Variants in NALCN observed in about 807,000 individuals in gnomAD.
NALCN encodes the protein sodium leak channel NALCN.
A neutral mutation model predicts 225.3 loss-of-function variants in NALCN; 111 were observed. That is an observed-to-expected ratio of 0.49 (90% confidence interval 0.42 to 0.58). The LOEUF is 0.58. NALCN is among the 20% of genes least tolerant of loss of function. The probability of loss-of-function intolerance (pLI) is 0.00; values close to 1 mark genes in which losing one functional copy is unlikely to be tolerated. For missense variants in NALCN, 1,378 were observed against 2,202.4 expected, an observed-to-expected ratio of 0.63 and a Z score of 7.49; for synonymous variants, 764 against 769.0, an observed-to-expected ratio of 0.99 and a Z score of 0.11.
chr13:101,098,518 A>G (rs1594199200), intron 27 of NALCN, among the ~76,000 whole-genome samples: 1 of 152,162 alleles, frequency 6.6e-6, no homozygotes, highest in African/African-American at 2.4e-5. Flanking sequence ...ATCTCATGAC[A>G]TCTGTTGAGT....
At chr13:101,250,849 T>C (rs1302275560) in intron 11 of NALCN, among the ~76,000 whole-genome samples, 2 of 150,796 alleles carry the variant, frequency 1.3e-5, no homozygotes, top group East Asian at 3.9e-4. Context: ...TCAATTAGGG[T>C]ACAGATTAAA....
intron 17 of NALCN, among the ~76,000 whole-genome samples, chr13:101,141,253 G>A (rs2037064295): frequency 6.6e-6 from 1 of 151,938 alleles, no homozygotes; most frequent in South Asian, 2.1e-4. Context: ...CAGTTCTGAT[G>A]AAAAAAGACA....
chr13:101,180,781 A>G (rs575027262), intron 14 of NALCN: 2 of 316,764 alleles, frequency 6.3e-6, no homozygotes, highest in Admixed American at 3.9e-5. Flanking sequence ...CTGTGTGGGT[A>G]CCAACACTGC....
intron 2 of NALCN, among the ~76,000 whole-genome samples, chr13:101,397,119 TAC>T (rs760897924): frequency 0.081 from 4,502 of 55,708 alleles, 241 homozygotes; most frequent in East Asian, 0.2. Flanking sequence ...TACATACACA[TAC>T]ATATATATAA....
chr13:101,229,407 T>C lies in NALCN; in HGVS notation c.1612A>G (p.Thr538Ala). The stretch of plus-strand genomic sequence containing the variant: ...AAAACTCTTACCCTCGGAAACGTAG[T>C]AAATCTGTCCAGTTCTTCGACAAAG... ...FCFVEELDRF[T>A]TFPRAFMSMF... is the part of the protein sequence containing the mutation. The change falls in exon 13 of 44, where the codon ACT (threonine) becomes GCT (alanine). Residue 538 changes from threonine to alanine, a missense_variant. Thr to Ala is a moderately conservative substitution (Grantham distance 58, BLOSUM62 0). Coordinates refer to ENST00000251127, the MANE Select transcript of NALCN (RefSeq NM_052867.4). 6.3e-7 allele frequency: 1 copy of C among 1,584,378 alleles called. No homozygotes were observed.
At chr13:101,106,879 T>C (rs534932077) in intron 22 of NALCN, among the ~76,000 whole-genome samples, 28 of 152,318 alleles carry the variant, frequency 1.8e-4, no homozygotes, top group African/African-American at 3.6e-4. Flanking sequence ...ACAGGTATGC[T>C]TGACAAAAAT....
At chr13:101,383,210 C>T (rs1488747076) in intron 3 of NALCN, among the ~76,000 whole-genome samples, 3 of 152,228 alleles carry the variant, frequency 2.0e-5, no homozygotes, top group South Asian at 2.1e-4. Context: ...TTAACTCAGG[C>T]GTCATGCAAC....
intron 10 of NALCN, among the ~76,000 whole-genome samples, chr13:101,270,444 T>C (rs1184480557): frequency 1.3e-5 from 2 of 152,218 alleles, no homozygotes; most frequent in Non-Finnish European, 2.9e-5. Flanking sequence ...TGTTTTAAAC[T>C]CAAGAGACAA....
At chr13:101,206,569 AAT>A (rs1054778483) in intron 13 of NALCN, among the ~76,000 whole-genome samples, 5 of 144,952 alleles carry the variant, frequency 3.4e-5, no homozygotes, top group Non-Finnish European at 6.3e-5. Flanking sequence ...CCATTTAAAA[AAT>A]AGTTTTTTTC....
chr13:101,230,876 T>C (rs183475287), intron 12 of NALCN, among the ~76,000 whole-genome samples: 31 of 152,342 alleles, frequency 2.0e-4, no homozygotes, highest in Middle Eastern at 3.4e-3. Context: ...ATTTTAGTCA[T>C]GCATCGCATA....
At position 101,229,572 on chromosome 13, in the gene NALCN, C is replaced by A; in HGVS notation, c.1447G>T (p.Val483Phe). Reference protein sequence around the residue: ...QFTYFQVLRVVRLIKISPALE... With the variant: ...QFTYFQVLRVFRLIKISPALE... ...GCAGGTGAAATCTTAATCAGCCGAACTACTCGGAGAACCTATCAAGGGAGA... is the reference window on the plus strand; with the variant it reads ...GCAGGTGAAATCTTAATCAGCCGAAATACTCGGAGAACCTATCAAGGGAGA... The change falls in exon 13 of 44, where the codon GTT becomes TTT. Residue 483 changes from valine to phenylalanine, a missense_variant. Val to Phe is a conservative substitution (Grantham distance 50, BLOSUM62 -1). This residue lies in a region of NALCN where 144 missense variants were observed against 187.7 expected (regional missense o/e 0.77). Coordinates refer to ENST00000251127, the MANE Select transcript of NALCN (RefSeq NM_052867.4). 1 of 1,593,698 alleles carries A rather than the reference C, an allele frequency of 6.3e-7. No individual in the cohort carries two copies. Among genetic ancestry groups the A allele is most frequent in the South Asian group, 1.1e-5 (1 of 87,284 alleles).
At chr13:101,259,364 C>T (rs1160170173) in intron 10 of NALCN, among the ~76,000 whole-genome samples, 4 of 151,780 alleles carry the variant, frequency 2.6e-5, no homozygotes, top group African/African-American at 7.3e-5. Context: ...GAAAGAGTCT[C>T]GCTCTCTCGC....
At chr13:101,153,399 A>G (rs2037748127) in intron 15 of NALCN, among the ~76,000 whole-genome samples, 1 of 152,150 alleles carries the variant, frequency 6.6e-6, no homozygotes, top group South Asian at 2.1e-4. Flanking sequence ...CCTCTGGCTA[A>G]TCTGAGACAA....
rs551579384 is a variant in NALCN, at chr13:101,311,346, C to T, written c.800-18980G>A. On this transcript the variant is annotated intron_variant, in intron 7 of 43. Coordinates refer to ENST00000251127, the MANE Select transcript of NALCN (RefSeq NM_052867.4). ...CTTCCTCTTTTCCTAATTGAATACCCTTTATTTCCTTCTCCTGCCTAATTG... is the reference window on the plus strand; with the variant it reads ...CTTCCTCTTTTCCTAATTGAATACCTTTTATTTCCTTCTCCTGCCTAATTG... Among the ~76,000 whole-genome samples, 9 of 151,772 alleles carry T rather than the reference C, an allele frequency of 5.9e-5. No homozygotes were observed. In the East Asian group the frequency reaches 7.7e-4, roughly 13 times the overall value.
At chr13:101,395,847 C>T (rs573119215) in intron 2 of NALCN, among the ~76,000 whole-genome samples, 18 of 152,232 alleles carry the variant, frequency 1.2e-4, no homozygotes, top group African/African-American at 3.4e-4. Flanking sequence ...ACTTCCCTAG[C>T]ATCTAGCACA....
At chr13:101,112,561 T>G (rs1393510484) in intron 18 of NALCN, among the ~76,000 whole-genome samples, 2 of 152,208 alleles carry the variant, frequency 1.3e-5, no homozygotes, top group Admixed American at 1.3e-4. Context: ...AGTAGTTGAG[T>G]GATCTTTGGG....
intron 37 of NALCN, 137 bp from the exon 38 acceptor site, chr13:101,068,964 T>C: frequency 2.5e-6 from 2 of 799,690 alleles, no homozygotes; most frequent in South Asian, 3.5e-5. Context: ...AAAAGCCACA[T>C]ACATTGGGTA....
chr13:101,308,686 G>A (rs1168072415), intron 7 of NALCN, among the ~76,000 whole-genome samples: 1 of 152,286 alleles, frequency 6.6e-6, no homozygotes, highest in East Asian at 1.9e-4. Flanking sequence ...AAGGATGTCT[G>A]TTTGGAAAAA....
At chr13:101,151,821 A>G (rs1415416413) in intron 15 of NALCN, among the ~76,000 whole-genome samples, 1 of 152,212 alleles carries the variant, frequency 6.6e-6, no homozygotes, top group East Asian at 1.9e-4. Flanking sequence ...ATGATCACAC[A>G]TGTTGGTTTT....
Sources: gnomAD v4.1 joint callset for allele counts (sites outside exome capture counted in the v4.1 genomes callset) on GRCh38, gnomAD v4.1.1 for gene constraint, gnomAD v4.1.1 regional missense constraint, MANE v1.5 for transcripts, NCBI Gene and HGNC (gene_info 2026-07-23, HGNC 2026-07-21) for gene names.